The following SAP130 variants were observed in gnomAD, a reference collection of about 807,000 sequenced individuals.
SAP130 encodes Sin3A associated protein 130.
Under a neutral mutation model 103.2 loss-of-function variants are expected in SAP130, and 16 were observed. The ratio of observed to expected loss-of-function variants is 0.16; its 90% confidence interval spans 0.10 to 0.24. SAP130 has a LOEUF of 0.24. Among genes scored for constraint, SAP130 ranks in the 10% least tolerant of loss-of-function variants. The probability of loss-of-function intolerance (pLI) is 1.00; values close to 1 mark genes in which losing one functional copy is unlikely to be tolerated. For synonymous variants in SAP130, 477 were observed against 497.0 expected (o/e 0.96, Z 0.53); for missense variants, 990 against 1,359.7 (o/e 0.73, Z 4.28).
chr2:128,008,889 T>C (rs1390060312), intron 7 of SAP130, among the ~76,000 whole-genome samples: 1 of 152,088 alleles, frequency 6.6e-6, no homozygotes, highest in Non-Finnish European at 1.5e-5. Context: ...CTCCCTATGT[T>C]GCCCAGGCTG....
chr2:127,947,764 C>CTGTGTGAGTGTGTGTG lies in SAP130; in HGVS notation c.2797+2104_2797+2105insCACACACACTCACACA, dbSNP rs1553500424. The stretch of plus-strand genomic sequence containing the variant: ...TGAATTAATTTTGTATTGTGTGTGT[C>CTGTGTGAGTGTGTGTG]TGTGTGTGTGTGTGTGTGTGTGTGT... On this transcript the variant is annotated intron_variant, in intron 18 of 20. Coordinates refer to ENST00000643581, the MANE Select transcript of SAP130 (RefSeq NM_001330301.2). Among the ~76,000 whole-genome samples, 388 of 143,412 alleles carry CTGTGTGAGTGTGTGTG rather than the reference C, an allele frequency of 2.7e-3. 3 individuals carry two copies. Among genetic ancestry groups the CTGTGTGAGTGTGTGTG allele is most frequent in the African/African-American group, 9.4e-3 (357 of 38,164 alleles). The allele number at this position is 143,412 out of a possible 152,430, so 94.1% of individuals were successfully genotyped here. A position where few individuals can be genotyped will look rare whatever the true frequency, so the allele number is the denominator to read the frequency against.
intron 4 of SAP130, among the ~76,000 whole-genome samples, chr2:128,015,469 A>G (rs1302264998): frequency 3.3e-5 from 5 of 152,228 alleles, no homozygotes; most frequent in African/African-American, 7.2e-5. Flanking sequence ...ACAAAAGGAA[A>G]AAACACAGTA....
chr2:127,971,970 C>T (rs1470503883), intron 15 of SAP130, among the ~76,000 whole-genome samples: 1 of 152,162 alleles, frequency 6.6e-6, no homozygotes, highest in African/African-American at 2.4e-5. Context: ...TTGGCTATTT[C>T]TAAAACAGCC....
chr2:127,998,710 G>A (rs1419127607), intron 10 of SAP130, among the ~76,000 whole-genome samples: 1 of 152,238 alleles, frequency 6.6e-6, no homozygotes, highest in Non-Finnish European at 1.5e-5. Flanking sequence ...GAAGATAGAA[G>A]GACATTCACA....
intron 15 of SAP130, among the ~76,000 whole-genome samples, chr2:127,974,639 C>A (rs954771883): frequency 6.6e-6 from 1 of 152,044 alleles, no homozygotes; most frequent in Non-Finnish European, 1.5e-5. Flanking sequence ...CATGGAGAAA[C>A]CCTGTCTCTA....
Position 128,016,434 on chromosome 2 carries a change from G to C in SAP130, c.462C>G (p.Ile154Met). The change falls in exon 4 of 21, where the codon ATC (isoleucine) becomes ATG (methionine). Residue 154 changes from isoleucine to methionine, a missense_variant. Around this residue, in one of 6 missense-constraint regions of SAP130, gnomAD observed 336 missense variants for 520.1 expected, o/e 0.65. Transcript: ENST00000643581. The stretch of plus-strand genomic sequence containing the variant: ...CCACAGGAATGGCTGAAGCTTGAGG[G>C]ATGCTACTCTCCATGGTAACGGTAA... Reference protein sequence around the residue: ...GQVTVTMESSIPQASAIPVAT... With the variant: ...GQVTVTMESSMPQASAIPVAT... The C allele has an allele frequency of 6.2e-7, 1 of 1,614,020 alleles. No homozygotes were observed. Among genetic ancestry groups the C allele is most frequent in the East Asian group, 2.2e-5 (1 of 44,876 alleles).
At chr2:127,978,966 A>G (rs932504959) in intron 14 of SAP130, among the ~76,000 whole-genome samples, 1 of 152,238 alleles carries the variant, frequency 6.6e-6, no homozygotes, top group Admixed American at 6.5e-5. Flanking sequence ...AAGAAGATAC[A>G]TGTAAGTCCC....
intron 15 of SAP130, among the ~76,000 whole-genome samples, chr2:127,968,336 C>A (rs1680815405): frequency 6.6e-6 from 1 of 151,492 alleles, no homozygotes; most frequent in Non-Finnish European, 1.5e-5. Flanking sequence ...GTCTTGAACT[C>A]CTGGCCTTAG....
chr2:128,008,382 C>T (rs1473879128), intron 7 of SAP130, among the ~76,000 whole-genome samples: 2 of 151,982 alleles, frequency 1.3e-5, no homozygotes, highest in Non-Finnish European at 2.9e-5. Flanking sequence ...TCTTTTTTTT[C>T]AGAGTCAGGA....
chr2:127,983,846 T>TTTTTTTA (rs60153840), intron 14 of SAP130, among the ~76,000 whole-genome samples: 1 of 54,312 alleles, frequency 1.8e-5, no homozygotes, highest in Non-Finnish European at 3.4e-5. Flanking sequence ...TTTTTTTTTT[T>TTTTTTTA]AAACATTTAT....
intron 6 of SAP130, among the ~76,000 whole-genome samples, chr2:128,012,583 A>T: frequency 6.6e-6 from 1 of 152,204 alleles, no homozygotes; most frequent in East Asian, 1.9e-4. Context: ...TCCTGCAAAT[A>T]TATTATACTT....
At chr2:127,991,297 A>G (rs1294167545) in intron 12 of SAP130, among the ~76,000 whole-genome samples, 1 of 152,234 alleles carries the variant, frequency 6.6e-6, no homozygotes. Flanking sequence ...TATTTTATTT[A>G]ACCCAATATA....
chr2:127,945,375 T>G, intron 19 of SAP130, 81 bp downstream of exon 19: 1 of 844,330 alleles, frequency 1.2e-6, no homozygotes, highest in South Asian at 1.4e-5. Flanking sequence ...GAGTTACTTT[T>G]AAAAAGTTCT....
At chr2:127,970,947 A>G (rs1681042618) in intron 15 of SAP130, among the ~76,000 whole-genome samples, 1 of 151,154 alleles carries the variant, frequency 6.6e-6, no homozygotes, top group Non-Finnish European at 1.5e-5. Context: ...TTTTTCTTTT[A>G]TCTTTCTCTC....
chr2:127,952,957 AAATAC>A (rs2104745545), intron 16 of SAP130, among the ~76,000 whole-genome samples: 1 of 152,296 alleles, frequency 6.6e-6, no homozygotes, highest in African/African-American at 2.4e-5. Context: ...TCATGACTTT[AAATAC>A]AATTTATATA....
At chr2:127,960,693 T>C (rs1680178987) in intron 15 of SAP130, among the ~76,000 whole-genome samples, 2 of 152,258 alleles carry the variant, frequency 1.3e-5, no homozygotes, top group South Asian at 4.1e-4. Context: ...TCAAGAAAGC[T>C]CCCTTTTTCT....
At chr2:127,999,885 T>G (rs1161063953) in intron 9 of SAP130, 40 bp from the exon 10 acceptor site, 5 of 1,459,882 alleles carry the variant, frequency 3.4e-6, no homozygotes, top group Non-Finnish European at 4.7e-6. Context: ...AACAAGAACT[T>G]CTCTGCACAC....
intron 4 of SAP130, among the ~76,000 whole-genome samples, chr2:128,015,758 AT>A (rs1684725493): frequency 6.6e-6 from 1 of 152,038 alleles, no homozygotes; most frequent in Non-Finnish European, 1.5e-5. Context: ...CCTGGCCAAC[AT>A]GGTGAAACCC....
Position 127,941,692 on chromosome 2 carries a change from C to T in SAP130, c.*314G>A, listed in dbSNP as rs894500306. ...CACTAGATAAATACAGTCTATAAAC[C>T]GGAAGGCTGAAAAACACCAGCCAGC... is the stretch of plus-strand genomic sequence containing the variant. On this transcript the variant is annotated 3_prime_UTR_variant, in exon 21 of 21. Coordinates refer to ENST00000643581, the MANE Select transcript of SAP130 (RefSeq NM_001330301.2). 5 of 353,730 alleles carry T rather than the reference C, an allele frequency of 1.4e-5. No individual in the cohort carries two copies. The highest frequency in any genetic ancestry group is 2.2e-5 in the African/African-American group (1 of 45,424). The allele number at this position is 353,730 out of a possible 1,614,324, so 21.9% of individuals were successfully genotyped here. A position where few individuals can be genotyped will look rare whatever the true frequency, so the allele number is the denominator to read the frequency against.
Sources: gnomAD v4.1 joint callset for allele counts (sites outside exome capture counted in the v4.1 genomes callset) on GRCh38, gnomAD v4.1.1 for gene constraint, gnomAD v4.1.1 regional missense constraint, MANE v1.5 for transcripts, NCBI Gene and HGNC (gene_info 2026-07-23, HGNC 2026-07-21) for gene names.